The following PLD1 variants were observed in gnomAD, a reference collection of about 807,000 sequenced individuals.
PLD1 encodes choline phosphatase 1.
Under a neutral mutation model 137.1 loss-of-function variants are expected in PLD1, and 112 were observed. That is an observed-to-expected ratio of 0.82 (90% CI 0.70 to 0.96). The LOEUF (loss-of-function observed/expected upper bound fraction) is 0.96. Among genes scored for constraint, PLD1 ranks in the 40% least tolerant of loss-of-function variants. The pLI is 0.00. For missense variants in PLD1, 1,321 were observed against 1,342.0 expected, an observed-to-expected ratio of 0.98 and a Z score of 0.24; for synonymous variants, 431 against 454.7, an observed-to-expected ratio of 0.95 and a Z score of 0.66.
chr3:171,782,343 G>A (rs562095409), intron 1 of PLD1, among the ~76,000 whole-genome samples: 45 of 152,234 alleles, frequency 3.0e-4, no homozygotes, highest in African/African-American at 8.2e-4. Context: ...GGTGGTACAT[G>A]CATTTTTCAG....
intron 1 of PLD1, among the ~76,000 whole-genome samples, chr3:171,753,459 G>T (rs1720802587): frequency 6.6e-6 from 1 of 152,220 alleles, no homozygotes; most frequent in African/African-American, 2.4e-5. Flanking sequence ...TTCTTAAGCA[G>T]CTTCTCAGGA....
chr3:171,745,365 G>A (rs968010181), intron 1 of PLD1, among the ~76,000 whole-genome samples: 3 of 152,184 alleles, frequency 2.0e-5, no homozygotes, highest in African/African-American at 7.2e-5. Flanking sequence ...GTGAGTGGTG[G>A]GACTGGTCCC....
chr3:171,641,559 C>A (rs955348784), intron 23 of PLD1, among the ~76,000 whole-genome samples: 2 of 152,178 alleles, frequency 1.3e-5, no homozygotes, highest in Non-Finnish European at 2.9e-5. Context: ...GGTTTATATT[C>A]TATCTGAAGG....
intron 9 of PLD1, among the ~76,000 whole-genome samples, chr3:171,711,817 TAA>T (rs36106956): frequency 0.019 from 1,916 of 99,142 alleles, 34 homozygotes; most frequent in East Asian, 0.051. Flanking sequence ...TTATAAATGC[TAA>T]AAAAAAAAAA....
chr3:171,755,805 C>T (rs902619924), intron 1 of PLD1, among the ~76,000 whole-genome samples: 1 of 152,198 alleles, frequency 6.6e-6, no homozygotes, highest in Non-Finnish European at 1.5e-5. Context: ...CGATCCTTGT[C>T]CTGATCTTCA....
chr3:171,726,133 T>A, intron 6 of PLD1, 57 bp from the exon 7 acceptor site: 1 of 1,137,046 alleles, frequency 8.8e-7, no homozygotes, highest in Non-Finnish European at 1.3e-6. Context: ...ATTTATGCAT[T>A]AAAAAACATG....
At chr3:171,706,415 C>T (rs556249155) in intron 11 of PLD1, among the ~76,000 whole-genome samples, 5 of 151,580 alleles carry the variant, frequency 3.3e-5, no homozygotes, top group African/African-American at 1.2e-4. Context: ...ACTTTTAAAA[C>T]ATGTATTCTT....
intron 9 of PLD1, among the ~76,000 whole-genome samples, chr3:171,711,795 A>G (rs187583487): frequency 1.6e-3 from 242 of 147,290 alleles, no homozygotes; most frequent in South Asian, 3.9e-3. Flanking sequence ...ACTATCCTAA[A>G]CTCTTACAGA....
At chr3:171,649,335 C>T (rs73176162) in intron 21 of PLD1, among the ~76,000 whole-genome samples, 2,125 of 152,188 alleles carry the variant, frequency 0.014, 47 homozygotes, top group Non-Finnish European at 0.016. Context: ...TTTTAAACTG[C>T]GTTCAGCAAA....
At chr3:171,769,113 T>C (rs1722174131) in intron 1 of PLD1, among the ~76,000 whole-genome samples, 1 of 152,148 alleles carries the variant, frequency 6.6e-6, no homozygotes, top group African/African-American at 2.4e-5. Flanking sequence ...CATTTTAACG[T>C]GTATATTCTC....
chr3:171,766,465 CAT>C (rs1721981827), intron 1 of PLD1, among the ~76,000 whole-genome samples: 1 of 152,092 alleles, frequency 6.6e-6, no homozygotes, highest in Admixed American at 6.5e-5. Flanking sequence ...ATAACACACA[CAT>C]AGAGAGGTAT....
At chr3:171,794,772 A>C (rs1723361941) in intron 1 of PLD1, among the ~76,000 whole-genome samples, 1 of 152,236 alleles carries the variant, frequency 6.6e-6, no homozygotes, top group South Asian at 2.1e-4. Context: ...CTTCACTTTC[A>C]AATTATACAA....
rs760481255 is a variant in PLD1 at position 171,612,413 on chromosome 3, G to T, written c.2748C>A (p.Asp916Glu). ...TGTCACGCTTTCCCAGCATGCTGCGGTCATTTATGTTGGCAGAGCCTGTAA... is the reference window on the plus strand; with the variant it reads ...TGTCACGCTTTCCCAGCATGCTGCGTTCATTTATGTTGGCAGAGCCTGTAA... Reference protein sequence around the residue: ...TVIIGSANINDRSMLGKRDSE... With the variant: ...TVIIGSANINERSMLGKRDSE... The change falls in exon 25 of 27, where the codon GAC becomes GAA. Residue 916 changes from aspartate to glutamate, a missense_variant. By Grantham distance (45) the Asp-to-Glu change is conservative. Coordinates refer to ENST00000351298, the MANE Select transcript of PLD1 (RefSeq NM_002662.5). The surrounding 1 kb of genome is among the most constrained non-coding windows in gnomAD (Gnocchi z 4.1). The T allele has an allele frequency of 1.2e-6, 2 of 1,614,066 alleles. No individual in the cohort carries two copies. Among genetic ancestry groups the T allele is most frequent in the Non-Finnish European group, 1.7e-6 (2 of 1,179,932 alleles).
intron 1 of PLD1, 91 bp from the exon 2 acceptor site, chr3:171,738,173 A>C: frequency 1.4e-6 from 1 of 703,900 alleles, no homozygotes. Flanking sequence ...GATACAGCAT[A>C]TGGAAACAAT....
At chr3:171,639,814 C>T (rs1735572343) in intron 23 of PLD1, among the ~76,000 whole-genome samples, 1 of 129,164 alleles carries the variant, frequency 7.7e-6, no homozygotes, top group Non-Finnish European at 1.6e-5. Flanking sequence ...GTTATATTTA[C>T]ATAATTTCTC....
chr3:171,749,542 A>G (rs1241191687), intron 1 of PLD1, among the ~76,000 whole-genome samples: 1 of 152,222 alleles, frequency 6.6e-6, no homozygotes, highest in Non-Finnish European at 1.5e-5. Flanking sequence ...CTTTTATTAG[A>G]TTTACCATCC....
intron 1 of PLD1, among the ~76,000 whole-genome samples, chr3:171,744,552 T>C (rs1250783356): frequency 6.6e-6 from 1 of 152,198 alleles, no homozygotes; most frequent in Admixed American, 6.5e-5. Flanking sequence ...ACCCTCCACG[T>C]GGCCTAATGC....
intron 6 of PLD1, among the ~76,000 whole-genome samples, chr3:171,727,869 G>A (rs1718656650): frequency 6.6e-6 from 1 of 152,144 alleles, no homozygotes; most frequent in African/African-American, 2.4e-5. Flanking sequence ...ATCCTTGTAA[G>A]GTTCATTTAA....
chr3:171,646,260 G>C (rs76726197), intron 21 of PLD1, among the ~76,000 whole-genome samples: 3,020 of 152,252 alleles, frequency 0.02, 40 homozygotes, highest in Middle Eastern at 0.034. Context: ...TCACACAAAG[G>C]TGTTGTCATT....
Sources: gnomAD v4.1 joint callset for allele counts (sites outside exome capture counted in the v4.1 genomes callset) on GRCh38, gnomAD v4.1.1 for gene constraint, Gnocchi (gnomAD v3.1) non-coding constraint, MANE v1.5 for transcripts, NCBI Gene and HGNC (gene_info 2026-07-23, HGNC 2026-07-21) for gene names.